The following PSMF1 variants were observed in gnomAD, a reference collection of about 807,000 sequenced individuals.
PSMF1 encodes the protein proteasome inhibitor subunit 1, also known as proteasome inhibitor PI31 subunit.
In PSMF1, 30 loss-of-function variants were observed where a neutral mutation model predicts 29.3. That is an observed-to-expected ratio of 1.02 (90% CI 0.77 to 1.39). The LOEUF is 1.39. PSMF1 is among the 40% of genes most tolerant of loss of function. The pLI is 0.00. For synonymous variants in PSMF1, 134 were observed against 139.7 expected, an observed-to-expected ratio of 0.96 and a Z score of 0.29; for missense variants, 344 against 357.5, an observed-to-expected ratio of 0.96 and a Z score of 0.31.
intron 3 of PSMF1, among the ~76,000 whole-genome samples, chr20:1,129,727 C>T (rs1851172869): frequency 6.6e-6 from 1 of 152,214 alleles, no homozygotes; most frequent in Admixed American, 6.5e-5. Context: ...AACTCTTGTG[C>T]ACTCTTGGGA....
At chr20:1,114,020 A>AC (rs2085992826), upstream of PSMF1, among the ~76,000 whole-genome samples, 1 of 151,982 alleles carries the variant, frequency 6.6e-6, no homozygotes, top group African/African-American at 2.4e-5. Context: ...GGCATGGCTT[A>AC]CCCCCGGTCA....
upstream of PSMF1, among the ~76,000 whole-genome samples, chr20:1,116,260 G>C (rs1455561144): frequency 6.6e-6 from 1 of 152,052 alleles, no homozygotes. Context: ...AAACAGAAGG[G>C]ACAGAGCAAG....
intron 4 of PSMF1, among the ~76,000 whole-genome samples, chr20:1,135,539 A>G (rs552908606): frequency 4.7e-4 from 71 of 152,304 alleles, no homozygotes; most frequent in African/African-American, 1.7e-3. Context: ...ATTTCTTTCT[A>G]GGGGCCACAC....
intron 4 of PSMF1, 90 bp downstream of exon 4, chr20:1,135,396 G>A: frequency 7.6e-7 from 1 of 1,323,972 alleles, no homozygotes; most frequent in Non-Finnish European, 1.0e-6. Flanking sequence ...CCCATCCCTG[G>A]CCCGTATGTG....
rs1744003442 is a variant in PSMF1, at chr20:1,167,637, C to G, written c.*2557C>G. ...ATGGCCTTTTGTGTCTGGCTTCTTTCATTTCATGTGATGTTTTCAAGATTC... is the reference window on the plus strand; with the variant it reads ...ATGGCCTTTTGTGTCTGGCTTCTTTGATTTCATGTGATGTTTTCAAGATTC... On this transcript the variant is annotated 3_prime_UTR_variant, in exon 7 of 7. Transcript: ENST00000335877. 1.3e-5 allele frequency: 2 copies of G among 151,160 alleles called. No homozygotes were observed. Among genetic ancestry groups the G allele is most frequent in the East Asian group, 1.9e-4 (1 of 5,164 alleles). The allele number at this position is 151,160 out of a possible 1,614,324, so 9.4% of individuals were successfully genotyped here.
At chr20:1,127,553 C>T in intron 3 of PSMF1, 45 bp downstream of exon 3, 1 of 1,462,716 alleles carries the variant, frequency 6.8e-7, no homozygotes, top group Non-Finnish European at 9.6e-7. Context: ...GAAGAGAGAA[C>T]TAATGGCAAG....
Position 1,119,247 on chromosome 20 carries a change from C to T in PSMF1, c.129+345C>T, listed in dbSNP as rs182058953. On this transcript the variant is annotated intron_variant, in intron 1 of 6. Coordinates refer to ENST00000335877, the MANE Select transcript of PSMF1 (RefSeq NM_006814.5). ...GTTTAGCTCCCCAGAGCACTTCTCACCCACCTGATCCCGTCTGAACTCCTT... is the reference window on the plus strand; with the variant it reads ...GTTTAGCTCCCCAGAGCACTTCTCATCCACCTGATCCCGTCTGAACTCCTT... Among the ~76,000 whole-genome samples the T allele has an allele frequency of 2.7e-3, 415 of 152,262 alleles. 2 individuals are homozygous for T. The highest frequency in any genetic ancestry group is 4.4e-3 in the South Asian group (21 of 4,826).
Position 1,135,289 on chromosome 20 carries a change from C to T in PSMF1, c.534C>T (p.Thr178=). The change falls in exon 4 of 7, where the codon ACC becomes ACT. Residue 178 remains threonine, a synonymous_variant. Coordinates refer to ENST00000335877, the MANE Select transcript of PSMF1 (RefSeq NM_006814.5). ...PLRIPPHHPH[T]SRQPPWCDPL... Reference sequence around the variant, plus strand: ...GGATTCCTCCACACCACCCACACACCAGTCGGCAGCCTCCCTGGTGAGTAC... The same window carrying T: ...GGATTCCTCCACACCACCCACACACTAGTCGGCAGCCTCCCTGGTGAGTAC... The T allele has an allele frequency of 6.2e-7, 1 of 1,612,764 alleles. No individual in the cohort carries two copies. Among genetic ancestry groups the T allele is most frequent in the Non-Finnish European group, 8.5e-7 (1 of 1,179,238 alleles).
chr20:1,122,244 T>A (rs1306634049), intron 1 of PSMF1, among the ~76,000 whole-genome samples: 1 of 151,960 alleles, frequency 6.6e-6, no homozygotes, highest in East Asian at 1.9e-4. Flanking sequence ...CTTGGGCAGC[T>A]CTCTGACCAT....
chr20:1,145,196 C>CT (rs1318978490), intron 4 of PSMF1, among the ~76,000 whole-genome samples: 1 of 152,154 alleles, frequency 6.6e-6, no homozygotes, highest in African/African-American at 2.4e-5. Flanking sequence ...CCCTGTGAAT[C>CT]TTTAATTATT....
chr20:1,165,841 C>G lies in PSMF1; in HGVS notation c.*761C>G. On this transcript the variant is annotated 3_prime_UTR_variant, in exon 7 of 7. Transcript: ENST00000335877. ...AGTAGTCAAAAAGCCAAGGAAAAAA[C>G]AGAGCAGACCTGAAGGCTAATCTTA... The G allele has an allele frequency of 9.1e-7, 1 of 1,097,554 alleles. No homozygotes were observed. 68.0% of individuals were successfully genotyped at this position (1,097,554 alleles called of 1,614,324 possible).
Position 1,135,201 on chromosome 20 carries a change from C to T in PSMF1, c.446C>T (p.Ala149Val), listed in dbSNP as rs1435388942. 3.7e-6 allele frequency: 6 copies of T among 1,614,118 alleles called. No individual in the cohort carries two copies. Among genetic ancestry groups the T allele is most frequent in the Non-Finnish European group, 3.4e-6 (4 of 1,180,012 alleles). Residue 149 changes from alanine (A) to valine (V), a missense_variant, in exon 4 of 7, where the codon GCT (alanine) becomes GTT (valine). Coordinates refer to ENST00000335877, the MANE Select transcript of PSMF1 (RefSeq NM_006814.5). ...CCTATCCATGAGCAGTGGGAAAAGG[C>T]TAATGTAAGCAGTCCCCACCGGGAG... The part of the protein sequence containing the change: ...ITPIHEQWEK[A>V]NVSSPHREFP...
At chr20:1,153,859 T>C (rs2086561908) in intron 4 of PSMF1, among the ~76,000 whole-genome samples, 1 of 152,172 alleles carries the variant, frequency 6.6e-6, no homozygotes, top group Non-Finnish European at 1.5e-5. Context: ...AAGAAACAAG[T>C]TCTTTGTTCC....
At chr20:1,139,200 C>T (rs907059992) in intron 4 of PSMF1, among the ~76,000 whole-genome samples, 19 of 151,892 alleles carry the variant, frequency 1.3e-4, no homozygotes, top group African/African-American at 4.4e-4. Context: ...AGAACAACAA[C>T]AAAAAACAAC....
In PSMF1 at chr20:1,166,360, G is replaced by C; in HGVS notation, c.*1280G>C. ...TCTGCAGCTAGCATTTCAACCATATGTGGATCCTTTCATTTCTCAGCTCCC... is the reference window on the plus strand; with the variant it reads ...TCTGCAGCTAGCATTTCAACCATATCTGGATCCTTTCATTTCTCAGCTCCC... On this transcript the variant is annotated 3_prime_UTR_variant, in exon 7 of 7. Transcript: ENST00000335877. 1.7e-6 allele frequency: 2 copies of C among 1,210,014 alleles called. No individual in the cohort carries two copies. Among genetic ancestry groups the C allele is most frequent in the Non-Finnish European group, 2.4e-6 (2 of 834,072 alleles). 75.0% of individuals were successfully genotyped at this position (1,210,014 alleles called of 1,614,324 possible). A position where few individuals can be genotyped will look rare whatever the true frequency, so the allele number is the denominator to read the frequency against.
chr20:1,157,502 A>G (rs1348852155), intron 4 of PSMF1, among the ~76,000 whole-genome samples: 1 of 152,258 alleles, frequency 6.6e-6, no homozygotes, highest in African/African-American at 2.4e-5. Flanking sequence ...CATAAAGTTA[A>G]CAATACTTAA....
Position 1,164,922 on chromosome 20 carries a change from C to T in PSMF1, c.765-107C>T, listed in dbSNP as rs79055011. The T allele has an allele frequency of 1.2e-3, 1,198 of 1,001,572 alleles. 13 individuals are homozygous for T. The African/African-American group carries it at 0.017, about 14-fold the overall frequency. The allele number at this position is 1,001,572 out of a possible 1,614,324, so 62.0% of individuals were successfully genotyped here. The stretch of plus-strand genomic sequence containing the variant: ...GTGCATGTGTTTAAATTCCTCACAC[C>T]GCCACATCATGTTGAAGGGCAGGCT... On this transcript the variant is annotated intron_variant, in intron 6 of 6. Coordinates refer to ENST00000335877, the MANE Select transcript of PSMF1 (RefSeq NM_006814.5). This position sits in a 1 kb window ranked among gnomAD's most constrained non-coding sequence, Gnocchi z 4.1.
At chr20:1,138,061 A>G (rs1045787219) in intron 4 of PSMF1, among the ~76,000 whole-genome samples, 4 of 152,214 alleles carry the variant, frequency 2.6e-5, no homozygotes, top group Non-Finnish European at 4.4e-5. Context: ...AATTTCCTTA[A>G]TAAGGAGTTT....
intron 4 of PSMF1, among the ~76,000 whole-genome samples, chr20:1,161,932 A>G (rs957001752): frequency 6.6e-6 from 1 of 152,190 alleles, no homozygotes; most frequent in African/African-American, 2.4e-5. Context: ...AATACTCTAC[A>G]TATCTTTGAT....
Sources: gnomAD v4.1 joint callset for allele counts (sites outside exome capture counted in the v4.1 genomes callset) on GRCh38, gnomAD v4.1.1 for gene constraint, Gnocchi (gnomAD v3.1) non-coding constraint, MANE v1.5 for transcripts, NCBI Gene and HGNC (gene_info 2026-07-23, HGNC 2026-07-21) for gene names.